The following NEDD9 variants were observed in gnomAD, a reference collection of about 807,000 sequenced individuals.
The protein encoded by NEDD9 is neural precursor cell expressed, developmentally down-regulated 9, also known as enhancer of filamentation 1.
A neutral mutation model predicts 76.6 loss-of-function variants in NEDD9; 26 were observed. The observed-to-expected ratio is 0.34, with a 90% CI of 0.25 to 0.47. The LOEUF (loss-of-function observed/expected upper bound fraction) is 0.47, where lower values mean the gene tolerates loss of function less well. Ranked by LOEUF, NEDD9 falls within the 20% of genes least tolerant of loss-of-function variation. The pLI, the probability that NEDD9 is intolerant of heterozygous loss-of-function variation, is 1.00. For synonymous variants in NEDD9, 392 were observed against 414.2 expected, an observed-to-expected ratio of 0.95 and a Z score of 0.65; for missense variants, 937 against 1,058.5, an observed-to-expected ratio of 0.89 and a Z score of 1.59.
chr6:11,375,190 AC>A (rs1321479980), intron 1 of NEDD9, among the ~76,000 whole-genome samples: 1 of 152,258 alleles, frequency 6.6e-6, no homozygotes, highest in African/African-American at 2.4e-5. Context: ...GCAATAGGAT[AC>A]TATACAGCTG....
At chr6:11,297,936 C>G (rs1234081358) in intron 3 of NEDD9, among the ~76,000 whole-genome samples, 3 of 140,484 alleles carry the variant, frequency 2.1e-5, no homozygotes, top group Non-Finnish European at 4.5e-5. Flanking sequence ...GAGACAGAGT[C>G]TCGCTTTGTC....
At chr6:11,197,568 G>A (rs111768831) in intron 2 of NEDD9, among the ~76,000 whole-genome samples, 8 of 152,292 alleles carry the variant, frequency 5.3e-5, no homozygotes, top group East Asian at 1.9e-4. Flanking sequence ...CTATGAAGCC[G>A]AGAAGGGCAG....
Position 11,190,937 on chromosome 6 carries a change from C to T in NEDD9, c.932G>A (p.Gly311Asp). 3 of 1,614,084 alleles carry T rather than the reference C, an allele frequency of 1.9e-6. No individual in the cohort carries two copies. The South Asian group carries it at 3.3e-5, about 18-fold the overall frequency. ...HPPPQLGQSV[G>D]SQNDAYDVPR... ...GACATCATATGCGTCGTTCTGAGAGCCCACTGACTGTCCGAGTTGCGGGGG... is the reference window on the plus strand; with the variant it reads ...GACATCATATGCGTCGTTCTGAGAGTCCACTGACTGTCCGAGTTGCGGGGG... The change falls in exon 5 of 7, where the codon GGC becomes GAC. Residue 311 changes from glycine to aspartate, a missense_variant. Coordinates refer to ENST00000379446, the MANE Select transcript of NEDD9 (RefSeq NM_006403.4). This position sits in a 1 kb window ranked among gnomAD's most constrained non-coding sequence, Gnocchi z 5.8.
chr6:11,334,806 A>G (rs561427014), intron 1 of NEDD9, among the ~76,000 whole-genome samples: 2 of 152,352 alleles, frequency 1.3e-5, no homozygotes, highest in African/African-American at 4.8e-5. Flanking sequence ...CAAGTTCAAA[A>G]TGAGTTGTAA....
intron 1 of NEDD9, chr6:11,214,234 T>A: frequency 3.9e-6 from 2 of 516,232 alleles, no homozygotes. Flanking sequence ...GAAGTACACA[T>A]ATATATGCCT....
At chr6:11,282,324 C>T (rs1392636826) in intron 3 of NEDD9, among the ~76,000 whole-genome samples, 1 of 152,218 alleles carries the variant, frequency 6.6e-6, no homozygotes, top group Admixed American at 6.5e-5. Flanking sequence ...CCTGGCTGTT[C>T]CCTCTCACTG....
chr6:11,329,393 C>T (rs1761989026), intron 2 of NEDD9, among the ~76,000 whole-genome samples: 1 of 152,192 alleles, frequency 6.6e-6, no homozygotes, highest in African/African-American at 2.4e-5. Context: ...TAAGTTAACT[C>T]ACCCCACAAC....
chr6:11,339,087 C>T (rs1762222928), intron 1 of NEDD9, among the ~76,000 whole-genome samples: 1 of 151,874 alleles, frequency 6.6e-6, no homozygotes, highest in Admixed American at 6.6e-5. Flanking sequence ...TATTTTCAGT[C>T]CCAGCTACCC....
intron 2 of NEDD9, among the ~76,000 whole-genome samples, chr6:11,309,533 A>C (rs1569466): frequency 0.31 from 46,556 of 152,102 alleles, 7,716 homozygotes; most frequent in East Asian, 0.72. Context: ...AGGCTCACAG[A>C]ACCTTGCCTG....
At chr6:11,319,650 CAT>C (rs577401572) in intron 2 of NEDD9, among the ~76,000 whole-genome samples, 278 of 144,388 alleles carry the variant, frequency 1.9e-3, no homozygotes, top group African/African-American at 6.4e-3. Context: ...CACACTCACA[CAT>C]GCCACACACT....
chr6:11,301,778 C>A (rs560843953), intron 3 of NEDD9, among the ~76,000 whole-genome samples: 1 of 151,964 alleles, frequency 6.6e-6, no homozygotes, highest in Non-Finnish European at 1.5e-5. Flanking sequence ...GGGTAAGTAA[C>A]GAAATGAAGG....
Position 11,192,379 on chromosome 6 carries a change from G to A in NEDD9, c.629C>T (p.Pro210Leu), listed in dbSNP as rs761956846. Residue 210 changes from proline (P) to leucine (L), a missense_variant, in exon 4 of 7, where the codon CCT (proline) becomes CTT (leucine). Pro to Leu is a moderately conservative substitution (Grantham distance 98). Coordinates refer to ENST00000379446, the MANE Select transcript of NEDD9 (RefSeq NM_006403.4). ...VFSVPVGEIK[P>L]QGVYDIPPTK... ...AGGCGGGATGTCATACACCCCTTGA[G>A]GTTTTATCTCTCCCACTGGAACTGA... The A allele has an allele frequency of 1.5e-5, 24 of 1,604,642 alleles. No homozygotes were observed. The highest frequency in any genetic ancestry group is 2.0e-5 in the Non-Finnish European group (23 of 1,176,656).
At chr6:11,375,182 A>G (rs1444495715) in intron 1 of NEDD9, among the ~76,000 whole-genome samples, 1 of 152,230 alleles carries the variant, frequency 6.6e-6, no homozygotes, top group African/African-American at 2.4e-5. Flanking sequence ...ACATTCATGC[A>G]ATAGGATACT....
rs1032910353 is a variant in NEDD9, at chr6:11,295,764, G to A, written c.12+10228C>T. Among the ~76,000 whole-genome samples, 5 of 152,076 alleles carry A rather than the reference G, an allele frequency of 3.3e-5. No individual in the cohort carries two copies. The South Asian group carries it at 1.0e-3, about 32-fold the overall frequency. ...CTAATCCTGCTTCCTCTCTTGCCTTGACAGTTTCCCAGGAGCACTCTCCAC... is the reference window on the plus strand; with the variant it reads ...CTAATCCTGCTTCCTCTCTTGCCTTAACAGTTTCCCAGGAGCACTCTCCAC... On this transcript the variant is annotated intron_variant, in intron 3 of 3. Transcript: ENST00000397378.
chr6:11,308,426 G>C (rs1761258232), intron 2 of NEDD9, among the ~76,000 whole-genome samples: 1 of 138,288 alleles, frequency 7.2e-6, no homozygotes, highest in African/African-American at 2.8e-5. Flanking sequence ...CTGGAGTGCA[G>C]TGGCGCAATC....
chr6:11,356,527 A>G (rs893914835), intron 1 of NEDD9, among the ~76,000 whole-genome samples: 1 of 152,190 alleles, frequency 6.6e-6, no homozygotes, highest in African/African-American at 2.4e-5. Flanking sequence ...TTTTCCGTGC[A>G]TCAGGAAAGC....
At chr6:11,188,990 A>G (rs1758055033) in intron 5 of NEDD9, among the ~76,000 whole-genome samples, 1 of 146,922 alleles carries the variant, frequency 6.8e-6, no homozygotes, top group African/African-American at 2.5e-5. Flanking sequence ...TCTGTCGCCC[A>G]GGCTGGAGTC....
chr6:11,381,181 A>G (rs980218095), intron 1 of NEDD9, among the ~76,000 whole-genome samples: 1 of 152,230 alleles, frequency 6.6e-6, no homozygotes, highest in Non-Finnish European at 1.5e-5. Flanking sequence ...GAAGAAAACT[A>G]TTTGGCAGAT....
intron 1 of NEDD9, among the ~76,000 whole-genome samples, chr6:11,217,664 T>C (rs2018336): frequency 0.17 from 25,504 of 152,264 alleles, 2,661 homozygotes; most frequent in Middle Eastern, 0.25. Flanking sequence ...AGTTAATGAT[T>C]TGCCAGCTCA....
Sources: allele counts gnomAD v4.1 joint callset (sites outside exome capture counted in the v4.1 genomes callset), GRCh38; gene constraint gnomAD v4.1.1; non-coding constraint Gnocchi (gnomAD v3.1); transcripts MANE v1.5; gene names NCBI Gene and HGNC (gene_info 2026-07-23, HGNC 2026-07-21).